TAPT1: variants seen among roughly 807,000 people sequenced by gnomAD.
TAPT1 encodes transmembrane anterior posterior transformation protein 1 homolog.
TAPT1 carries 28 observed loss-of-function variants against 65.6 expected under a neutral mutation model. The ratio of observed to expected loss-of-function variants is 0.43; its 90% CI spans 0.32 to 0.59. TAPT1 has a LOEUF of 0.59. Among genes scored for constraint, TAPT1 ranks in the 20% least tolerant of loss-of-function variants. The pLI is 0.09. For missense variants in TAPT1, 563 were observed against 679.9 expected (o/e 0.83, Z 1.91); for synonymous variants, 278 against 245.2 (o/e 1.13, Z -1.25).
intron 11 of TAPT1, among the ~76,000 whole-genome samples, chr4:16,172,000 T>G (rs1748025750): frequency 6.6e-6 from 1 of 152,136 alleles, no homozygotes; most frequent in Admixed American, 6.6e-5. Context: ...GAGGCCTCGA[T>G]GTATTTCTCA....
chr4:16,189,284 C>T (rs1749209125), intron 4 of TAPT1, among the ~76,000 whole-genome samples: 2 of 152,116 alleles, frequency 1.3e-5, no homozygotes, highest in Non-Finnish European at 2.9e-5. Context: ...TCTCTACTGC[C>T]TTAGTCTGTT....
intron 3 of TAPT1, among the ~76,000 whole-genome samples, chr4:16,193,546 C>A (rs1195128957): frequency 2.6e-5 from 4 of 152,148 alleles, no homozygotes; most frequent in Admixed American, 2.6e-4. Context: ...CCAAGGGCTA[C>A]CTGAATATCA....
intron 4 of TAPT1, chr4:16,190,388 G>A (rs995542327): frequency 4.6e-5 from 7 of 151,866 alleles, no homozygotes; most frequent in Admixed American, 4.6e-4. Flanking sequence ...ACCCAGGCTG[G>A]GGTGCAGTGG....
chr4:16,208,489 G>C (rs932158784), intron 2 of TAPT1, among the ~76,000 whole-genome samples: 1 of 152,098 alleles, frequency 6.6e-6, no homozygotes, highest in East Asian at 1.9e-4. Flanking sequence ...TTTATAAAAG[G>C]CATAGTCAAA....
chr4:16,227,043 C>T (rs990304572), upstream of TAPT1: 11 of 454,306 alleles, frequency 2.4e-5, no homozygotes, highest in Admixed American at 1.9e-4. Context: ...CGAGCGCCGG[C>T]CCTGCCTGCC....
chr4:16,162,558 T>C lies in TAPT1; in HGVS notation c.*750A>G, dbSNP rs1297538380. ...CTTCCTTGGTGTAAAAAGTGCCCTT[T>C]TGTAAGGAAATTTGTTTTATCCACC... On this transcript the variant is annotated 3_prime_UTR_variant, in exon 14 of 14. Transcript: ENST00000405303. The C allele has an allele frequency of 8.2e-6, 1 of 122,184 alleles. No individual in the cohort carries two copies. The highest frequency in any genetic ancestry group is 1.7e-5 in the Non-Finnish European group (1 of 59,598). 7.6% of individuals were successfully genotyped at this position (122,184 alleles called of 1,614,324 possible).
At chr4:16,221,916 A>T (rs1166662972) in intron 1 of TAPT1, among the ~76,000 whole-genome samples, 1 of 152,222 alleles carries the variant, frequency 6.6e-6, no homozygotes, top group Non-Finnish European at 1.5e-5. Context: ...CCTAAGTCAA[A>T]CATTAAGTAA....
intron 1 of TAPT1, among the ~76,000 whole-genome samples, chr4:16,225,509 A>T (rs1751497892): frequency 6.6e-6 from 1 of 152,232 alleles, no homozygotes; most frequent in South Asian, 2.1e-4. Flanking sequence ...TTTTCATTTA[A>T]AACTAATCTG....
rs781046151 is a variant in TAPT1, at chr4:16,188,238, T to A, written c.730A>T (p.Met244Leu). ...AHIGVIPHFF[M>L]AVLYVFLHAI... ...AGGATACAGACATAGAGAACAGCCA[T>A]GAAAAAGTGAGGAATCACCCCAATG... Residue 244 changes from methionine to leucine, a missense_variant, in exon 5 of 14, where the codon ATG becomes TTG. Transcript: ENST00000405303. 1 of 1,610,352 alleles carries A rather than the reference T, an allele frequency of 6.2e-7. No individual in the cohort carries two copies. The highest frequency in any genetic ancestry group is 1.1e-5 in the South Asian group (1 of 90,140).
chr4:16,213,161 A>G (rs762834931), intron 2 of TAPT1, among the ~76,000 whole-genome samples: 1 of 152,232 alleles, frequency 6.6e-6, no homozygotes, highest in Non-Finnish European at 1.5e-5. Context: ...CACCAACTCT[A>G]GCATCGCCTA....
At chr4:16,170,598 ATCTTGCATTTATGCTTTACT>A in intron 12 of TAPT1, 35 bp downstream of exon 12, 1 of 1,330,382 alleles carries the variant, frequency 7.5e-7, no homozygotes, top group Non-Finnish European at 1.1e-6. Context: ...CTTCCATTAC[ATCTTGCATTTATGCTTTACT>A]GTATAGCCAA....
chr4:16,171,123 C>T (rs1204914145), intron 11 of TAPT1, among the ~76,000 whole-genome samples: 9 of 152,152 alleles, frequency 5.9e-5, no homozygotes, highest in Non-Finnish European at 1.5e-5. Context: ...TACACGTGTC[C>T]ACACCAAAGC....
At chr4:16,199,301 A>AT (rs1245660305) in intron 3 of TAPT1, among the ~76,000 whole-genome samples, 1 of 152,198 alleles carries the variant, frequency 6.6e-6, no homozygotes, top group Non-Finnish European at 1.5e-5. Context: ...GAAATCCTCA[A>AT]TGGAGTCTTA....
chr4:16,196,821 C>A (rs1028114257), intron 3 of TAPT1: 1 of 525,818 alleles, frequency 1.9e-6, no homozygotes, highest in Non-Finnish European at 3.4e-6. Flanking sequence ...CCTGGTGTTA[C>A]GAAGACTTTC....
At chr4:16,197,293 A>C (rs183596705) in intron 3 of TAPT1, among the ~76,000 whole-genome samples, 137 of 152,378 alleles carry the variant, frequency 9.0e-4, no homozygotes, top group Middle Eastern at 6.8e-3. Context: ...TTGCTCTAAT[A>C]GTAAAAAACA....
intron 7 of TAPT1, among the ~76,000 whole-genome samples, chr4:16,181,408 T>C (rs1748700729): frequency 1.3e-5 from 2 of 152,220 alleles, no homozygotes; most frequent in South Asian, 2.1e-4. Context: ...AAAGTAACTT[T>C]TGTAAACTCT....
intron 3 of TAPT1, among the ~76,000 whole-genome samples, chr4:16,196,246 C>T (rs891377740): frequency 1.3e-5 from 2 of 151,954 alleles, no homozygotes; most frequent in Non-Finnish European, 2.9e-5. Flanking sequence ...TGATTCAAAC[C>T]ATTTCTTAAA....
chr4:16,165,827 C>T (rs960236400), intron 13 of TAPT1, among the ~76,000 whole-genome samples: 3 of 152,300 alleles, frequency 2.0e-5, no homozygotes. Context: ...CTCACACCAC[C>T]TACCCTGCTC....
At chr4:16,193,824 G>T (rs929438664) in intron 3 of TAPT1, among the ~76,000 whole-genome samples, 1 of 152,164 alleles carries the variant, frequency 6.6e-6, no homozygotes. Flanking sequence ...ATGGGCTTTT[G>T]TGTTTAAAGA....
Sources: allele counts gnomAD v4.1 joint callset (sites outside exome capture counted in the v4.1 genomes callset), GRCh38; gene constraint gnomAD v4.1.1; transcripts MANE v1.5; gene names NCBI Gene and HGNC (gene_info 2026-07-23, HGNC 2026-07-21).